ASB5: variants seen among roughly 807,000 people sequenced by gnomAD.
ASB5 encodes the protein ankyrin repeat and SOCS box containing 5.
A neutral mutation model predicts 42.1 loss-of-function variants in ASB5; 45 were observed. The observed-to-expected ratio is 1.07, with a 90% CI of 0.84 to 1.37. The LOEUF is 1.37. ASB5 is among the 40% of genes most tolerant of loss of function. The pLI is 0.00. For synonymous variants in ASB5, 147 were observed against 150.6 expected (o/e 0.98, Z 0.18); for missense variants, 402 against 399.8 (o/e 1.01, Z -0.05).
chr4:176,237,711 A>T (rs1262540472), intron 1 of ASB5: 2 of 407,072 alleles, frequency 4.9e-6, no homozygotes, highest in African/African-American at 4.3e-5. Context: ...TGTGATATAG[A>T]AAGTAAAAAG....
In ASB5 at chr4:176,214,803, A is replaced by G. The variant is rs180786245; in HGVS notation, c.*797T>C. On this transcript the variant is annotated 3_prime_UTR_variant, in exon 7 of 7. Transcript: ENST00000296525. ...GTCCAAGTATCACTAGCTATTGACAATTTCTGAAATGGAAGAAGGCTGGAG... is the reference window on the plus strand; with the variant it reads ...GTCCAAGTATCACTAGCTATTGACAGTTTCTGAAATGGAAGAAGGCTGGAG... 3.9e-5 allele frequency: 6 copies of G among 152,214 alleles called. No individual in the cohort carries two copies. In the East Asian group the frequency reaches 1.2e-3, roughly 29 times the overall value. The allele number at this position is 152,214 out of a possible 1,614,324, so 9.4% of individuals were successfully genotyped here.
chr4:176,252,317 A>G (rs1000088838), intron 1 of ASB5, among the ~76,000 whole-genome samples: 3 of 152,202 alleles, frequency 2.0e-5, no homozygotes, highest in Non-Finnish European at 2.9e-5. Context: ...ATATCCATTA[A>G]CACTTATTCA....
chr4:176,261,447 G>A (rs1413530112), intron 1 of ASB5, among the ~76,000 whole-genome samples: 1 of 152,260 alleles, frequency 6.6e-6, no homozygotes, highest in Admixed American at 6.5e-5. Context: ...CGAAATGTGT[G>A]TTTATTTTTC....
chr4:176,215,484 TG>T lies in ASB5; in HGVS notation c.*115del. ...GAAAATTGATATTTTACTGCTTCCC[TG>T]GGTGATCTCACACTCACTTTTATCC... is the stretch of plus-strand genomic sequence containing the variant. On this transcript the variant is annotated 3_prime_UTR_variant, in exon 7 of 7. Transcript: ENST00000296525. The T allele has an allele frequency of 9.4e-7, 1 of 1,058,268 alleles. No homozygotes were observed. The highest frequency in any genetic ancestry group is 1.3e-6 in the Non-Finnish European group (1 of 747,952). The allele number at this position is 1,058,268 out of a possible 1,614,324, so 65.6% of individuals were successfully genotyped here.
chr4:176,265,754 G>A (rs971362581), intron 1 of ASB5, among the ~76,000 whole-genome samples: 3 of 152,236 alleles, frequency 2.0e-5, no homozygotes, highest in African/African-American at 7.2e-5. Flanking sequence ...ATATTTCAGT[G>A]TAGCCTTGAA....
At chr4:176,247,689 A>G (rs1753939031) in intron 1 of ASB5, among the ~76,000 whole-genome samples, 1 of 152,236 alleles carries the variant, frequency 6.6e-6, no homozygotes, top group Non-Finnish European at 1.5e-5. Flanking sequence ...TTTCAAAGGA[A>G]TGCTTTAAGT....
chr4:176,272,234 TCAAGGTAGGGTC>T (rs1754482642), upstream of ASB5, among the ~76,000 whole-genome samples: 1 of 152,128 alleles, frequency 6.6e-6, no homozygotes, highest in Non-Finnish European at 1.5e-5. Context: ...CATTGAGCGT[TCAAGGTAGGGTC>T]CAGTGATTAA....
chr4:176,231,759 A>C (rs560714814), intron 1 of ASB5, among the ~76,000 whole-genome samples: 2 of 151,958 alleles, frequency 1.3e-5, no homozygotes, highest in Non-Finnish European at 2.9e-5. Flanking sequence ...AGATGAGAAG[A>C]TCGCTAGAGC....
intron 1 of ASB5, among the ~76,000 whole-genome samples, chr4:176,255,178 C>A (rs975305965): frequency 6.6e-6 from 1 of 152,128 alleles, no homozygotes; most frequent in East Asian, 1.9e-4. Context: ...TACCATCTCA[C>A]TTTGGTCAGA....
intron 2 of ASB5, 115 bp downstream of exon 2, chr4:176,225,142 TTAAAA>T (rs1753340276): frequency 1.4e-6 from 1 of 710,290 alleles, no homozygotes; most frequent in Middle Eastern, 2.7e-4. Flanking sequence ...CTGACATGAG[TTAAAA>T]TAAAAGGGCA....
At chr4:176,240,439 C>T (rs546971301) in intron 1 of ASB5, among the ~76,000 whole-genome samples, 1 of 152,200 alleles carries the variant, frequency 6.6e-6, no homozygotes, top group African/African-American at 2.4e-5. Context: ...GGTCACTAAT[C>T]CTCAGTGGGA....
At chr4:176,240,280 T>C (rs1019193587) in intron 1 of ASB5, among the ~76,000 whole-genome samples, 8 of 152,214 alleles carry the variant, frequency 5.3e-5, no homozygotes, top group East Asian at 3.8e-4. Flanking sequence ...AGATGAATGA[T>C]GGTCTAACGT....
At chr4:176,233,813 C>A (rs753201011) in intron 1 of ASB5, among the ~76,000 whole-genome samples, 7 of 152,140 alleles carry the variant, frequency 4.6e-5, no homozygotes, top group Non-Finnish European at 7.3e-5. Context: ...GGCTGTTCAA[C>A]TTCTCCACTT....
In ASB5 at chr4:176,245,359, A is replaced by G. The variant is rs894359530; in HGVS notation, c.197-20018T>C. Among the ~76,000 whole-genome samples the G allele has an allele frequency of 2.3e-4, 35 of 152,198 alleles. 1 individual carries two copies. Among genetic ancestry groups the G allele is most frequent in the Non-Finnish European group, 1.5e-5 (1 of 68,048 alleles). On this transcript the variant is annotated intron_variant, in intron 1 of 6. Coordinates refer to ENST00000296525, the MANE Select transcript of ASB5 (RefSeq NM_080874.4). ...AAACCACAATGAGGTATCATCTCAC[A>G]CCAGTTAGAATGGCGATCATTAAAA... is the stretch of plus-strand genomic sequence containing the variant.
intron 1 of ASB5, among the ~76,000 whole-genome samples, chr4:176,239,577 G>C (rs1753768606): frequency 6.6e-6 from 1 of 152,194 alleles, no homozygotes; most frequent in Non-Finnish European, 1.5e-5. Flanking sequence ...TCTGATCACA[G>C]AGACTGAGTC....
At chr4:176,223,623 A>G (rs1753285401) in intron 2 of ASB5, among the ~76,000 whole-genome samples, 1 of 152,184 alleles carries the variant, frequency 6.6e-6, no homozygotes, top group African/African-American at 2.4e-5. Context: ...CAATATAGAC[A>G]TGAAGAATTT....
At chr4:176,265,870 G>A (rs1039898138) in intron 1 of ASB5, among the ~76,000 whole-genome samples, 4 of 152,154 alleles carry the variant, frequency 2.6e-5, no homozygotes, top group African/African-American at 9.7e-5. Flanking sequence ...CAGGAAGGAT[G>A]ATACAGGAGG....
At chr4:176,270,527 A>AAAT (rs921659564), upstream of ASB5, among the ~76,000 whole-genome samples, 5 of 152,042 alleles carry the variant, frequency 3.3e-5, no homozygotes, top group Non-Finnish European at 5.9e-5. Context: ...GGCTCTCAGA[A>AAAT]AATAATAATA....
chr4:176,258,476 A>G (rs544590074), intron 1 of ASB5, among the ~76,000 whole-genome samples: 3 of 152,266 alleles, frequency 2.0e-5, no homozygotes, highest in African/African-American at 7.2e-5. Context: ...CATGCCATTG[A>G]GAGTTATTTC....
Sources: allele counts gnomAD v4.1 joint callset (sites outside exome capture counted in the v4.1 genomes callset), GRCh38; gene constraint gnomAD v4.1.1; transcripts MANE v1.5; gene names NCBI Gene and HGNC (gene_info 2026-07-23, HGNC 2026-07-21).